ARHGAP19: variants seen among roughly 807,000 people sequenced by gnomAD.
The protein encoded by ARHGAP19 is Rho GTPase activating protein 19, also known as rho GTPase-activating protein 19.
Under a neutral mutation model 60.9 loss-of-function variants are expected in ARHGAP19, and 48 were observed. The observed-to-expected ratio is 0.79, with a 90% CI of 0.62 to 1.00. ARHGAP19 has a LOEUF of 1.00. Among genes scored for constraint, ARHGAP19 ranks in the 50% least tolerant of loss-of-function variants. The pLI, the probability that ARHGAP19 is intolerant of heterozygous loss-of-function variation, is 0.00. For missense variants in ARHGAP19, 562 were observed against 597.2 expected (o/e 0.94, Z 0.61); for synonymous variants, 209 against 215.5 (o/e 0.97, Z 0.27).
intron 8 of ARHGAP19, among the ~76,000 whole-genome samples, chr10:97,242,445 T>C (rs1240012654): frequency 1.3e-5 from 2 of 148,336 alleles, no homozygotes; most frequent in Non-Finnish European, 3.0e-5. Flanking sequence ...GCAATTCTCC[T>C]GCCTCAGCCT....
chr10:97,263,000 C>T (rs191054200), intron 4 of ARHGAP19, among the ~76,000 whole-genome samples: 1 of 152,078 alleles, frequency 6.6e-6, no homozygotes, highest in African/African-American at 2.4e-5. Flanking sequence ...ATAGTCCCAG[C>T]TACTTGGGAG....
intron 6 of ARHGAP19, among the ~76,000 whole-genome samples, chr10:97,251,152 AGCC>A (rs1842640564): frequency 1.1e-5 from 1 of 92,766 alleles, no homozygotes; most frequent in Non-Finnish European, 2.1e-5. Context: ...AGAAGGGGAA[AGCC>A]AAGGGGAAGG....
chr10:97,285,519 CTTTTTTT>C (rs1245251335), intron 1 of ARHGAP19, among the ~76,000 whole-genome samples: 1 of 110,922 alleles, frequency 9.0e-6, no homozygotes, highest in Non-Finnish European at 1.9e-5. Context: ...TTTTTTTTTG[CTTTTTTT>C]TTTTTTTTTT....
At chr10:97,251,404 GGAAGGGA>G (rs1842657195) in intron 6 of ARHGAP19, among the ~76,000 whole-genome samples, 1 of 50,706 alleles carries the variant, frequency 2.0e-5, no homozygotes. Flanking sequence ...GAAGGGGAAG[GGAAGGGA>G]AAGGAAGGGG....
At position 97,256,307 on chromosome 10, in the gene ARHGAP19, C is replaced by G; in HGVS notation, c.927+11G>C. ...TGTCCTGTTACCAGCCAAATGCTAT[C>G]CCTTACCTACCTTAAAAAGTTTCTG... On this transcript the variant is annotated intron_variant, in intron 6 of 11. Coordinates refer to ENST00000358531, the MANE Select transcript of ARHGAP19 (RefSeq NM_032900.6). 1 of 1,604,578 alleles carries G rather than the reference C, an allele frequency of 6.2e-7. No homozygotes were observed. Among genetic ancestry groups the G allele is most frequent in the African/African-American group, 1.3e-5 (1 of 74,814 alleles).
chr10:97,232,154 A>ATTTT (rs1170639718), intron 9 of ARHGAP19, among the ~76,000 whole-genome samples: 5 of 56,302 alleles, frequency 8.9e-5, no homozygotes, highest in African/African-American at 1.6e-4. Context: ...TTTGCTCACT[A>ATTTT]TTTTTTTTTT....
At chr10:97,230,452 A>T (rs919434022) in intron 9 of ARHGAP19, among the ~76,000 whole-genome samples, 1 of 152,244 alleles carries the variant, frequency 6.6e-6, no homozygotes, top group African/African-American at 2.4e-5. Context: ...TGACATTCAG[A>T]GCAAGACTAA....
At chr10:97,257,428 T>C (rs570863632) in intron 5 of ARHGAP19, among the ~76,000 whole-genome samples, 17 of 151,520 alleles carry the variant, frequency 1.1e-4, no homozygotes, top group Non-Finnish European at 2.4e-4. Flanking sequence ...GCTAGGAGTA[T>C]AGGCATGTGC....
intron 5 of ARHGAP19, among the ~76,000 whole-genome samples, chr10:97,257,091 A>C (rs1237011607): frequency 2.0e-5 from 3 of 152,148 alleles, no homozygotes; most frequent in Non-Finnish European, 4.4e-5. Context: ...ACTGCACTCC[A>C]GCCTGGGCGA....
chr10:97,271,049 C>T (rs1842953769), intron 1 of ARHGAP19, among the ~76,000 whole-genome samples: 1 of 152,028 alleles, frequency 6.6e-6, no homozygotes, highest in Non-Finnish European at 1.5e-5. Context: ...AATTTAAAAA[C>T]ATTAAAAAAC....
intron 9 of ARHGAP19, among the ~76,000 whole-genome samples, chr10:97,231,465 C>G (rs923946594): frequency 6.6e-6 from 1 of 152,172 alleles, no homozygotes; most frequent in African/African-American, 2.4e-5. Context: ...TCTCCCCATT[C>G]TCCTCATACT....
intron 2 of ARHGAP19, 131 bp downstream of exon 2, chr10:97,265,729 T>C (rs1842889409): frequency 2.7e-6 from 3 of 1,122,582 alleles, no homozygotes; most frequent in African/African-American, 1.5e-5. Context: ...GTGTTACTAC[T>C]TATAAAAACT....
At chr10:97,235,553 A>G (rs1851115331) in intron 8 of ARHGAP19, among the ~76,000 whole-genome samples, 1 of 152,152 alleles carries the variant, frequency 6.6e-6, no homozygotes, top group East Asian at 1.9e-4. Flanking sequence ...TACTGTCCCC[A>G]TTCTACAGAC....
At chr10:97,290,843 C>G (rs1843221508) in intron 1 of ARHGAP19, among the ~76,000 whole-genome samples, 1 of 152,116 alleles carries the variant, frequency 6.6e-6, no homozygotes, top group African/African-American at 2.4e-5. Context: ...CTCAACTGCA[C>G]AACCCCTACT....
intron 9 of ARHGAP19, among the ~76,000 whole-genome samples, chr10:97,233,855 G>A (rs777749118): frequency 6.9e-6 from 1 of 144,996 alleles, no homozygotes; most frequent in Non-Finnish European, 1.5e-5. Flanking sequence ...GTGACAGAGA[G>A]AGACTCCATC....
At chr10:97,273,033 G>T (rs1463984887) in intron 1 of ARHGAP19, among the ~76,000 whole-genome samples, 1 of 151,732 alleles carries the variant, frequency 6.6e-6, no homozygotes. Context: ...GTGGAGACGG[G>T]GTTTCACCGT....
chr10:97,268,555 C>T (rs1462830722), intron 1 of ARHGAP19, among the ~76,000 whole-genome samples: 1 of 152,192 alleles, frequency 6.6e-6, no homozygotes, highest in African/African-American at 2.4e-5. Context: ...CACAGTTCCA[C>T]ATGGCTAGGG....
At chr10:97,286,697 CCT>C (rs1843160121) in intron 1 of ARHGAP19, among the ~76,000 whole-genome samples, 1 of 152,202 alleles carries the variant, frequency 6.6e-6, no homozygotes, top group African/African-American at 2.4e-5. Flanking sequence ...AGACACCTCC[CCT>C]GTCCTCCAGA....
At chr10:97,243,389 T>C (rs925851923) in intron 8 of ARHGAP19, among the ~76,000 whole-genome samples, 2 of 152,190 alleles carry the variant, frequency 1.3e-5, no homozygotes, top group African/African-American at 4.8e-5. Flanking sequence ...AACCACACTT[T>C]GAGTCCCAAA....
Sources: gnomAD v4.1 joint callset for allele counts (sites outside exome capture counted in the v4.1 genomes callset) on GRCh38, gnomAD v4.1.1 for gene constraint, MANE v1.5 for transcripts, NCBI Gene and HGNC (gene_info 2026-07-23, HGNC 2026-07-21) for gene names.